Variants in NRXN1 observed in about 807,000 individuals in gnomAD.
NRXN1 encodes the protein neurexin 1.
In NRXN1, 39 loss-of-function variants were observed where a neutral mutation model predicts 150.9. The ratio of observed to expected loss-of-function variants is 0.26; its 90% CI spans 0.20 to 0.34. NRXN1 has a LOEUF of 0.34. Ranked by LOEUF, NRXN1 falls within the 10% of genes least tolerant of loss-of-function variation. The pLI, the probability that NRXN1 is intolerant of heterozygous loss-of-function variation, is 1.00. For missense variants in NRXN1, 1,815 were observed against 1,949.9 expected (o/e 0.93, Z 1.30); for synonymous variants, 924 against 757.0 (o/e 1.22, Z -3.62).
intron 21 of NRXN1, among the ~76,000 whole-genome samples, chr2:49,992,404 A>AAAACAAACAAAC (rs3046624): frequency 6.9e-4 from 102 of 148,450 alleles, no homozygotes; most frequent in Non-Finnish European, 1.1e-3. Context: ...AAACACCCCA[A>AAAACAAACAAAC]AAACAAACAA....
Position 50,247,112 on chromosome 2 carries a change from C to G in NRXN1, c.3365-10142G>C, listed in dbSNP as rs147322806. 3.3e-3 allele frequency among the ~76,000 whole-genome samples: 501 copies of G among 152,114 alleles called. 1 individual carries two copies. The highest frequency in any genetic ancestry group is 6.3e-3 in the Admixed American group (96 of 15,242). On this transcript the variant is annotated intron_variant, in intron 17 of 22. Transcript: ENST00000401669. Reference sequence around the variant, plus strand: ...CATCAGCATGATGGAGTATCTGCAGCTATATAAGAAATTGGAATGATTTCA... The same window carrying G: ...CATCAGCATGATGGAGTATCTGCAGGTATATAAGAAATTGGAATGATTTCA...
At chr2:50,367,749 A>C (rs763090015) in intron 17 of NRXN1, among the ~76,000 whole-genome samples, 2 of 152,056 alleles carry the variant, frequency 1.3e-5, no homozygotes, top group African/African-American at 2.4e-5. Context: ...ATACTTAGCC[A>C]GTTCCAAAGC....
chr2:50,333,418 A>G (rs2076959050), intron 17 of NRXN1, among the ~76,000 whole-genome samples: 1 of 152,186 alleles, frequency 6.6e-6, no homozygotes, highest in South Asian at 2.1e-4. Context: ...AATCTCTACA[A>G]ATGTGAAAAT....
intron 9 of NRXN1, among the ~76,000 whole-genome samples, chr2:50,542,117 A>T (rs1379210655): frequency 6.6e-6 from 1 of 152,140 alleles, no homozygotes; most frequent in Non-Finnish European, 1.5e-5. Context: ...CCCCATCTCT[A>T]CTAAAAATAC....
At chr2:50,284,911 T>TA (rs1308699002) in intron 17 of NRXN1, among the ~76,000 whole-genome samples, 3 of 152,068 alleles carry the variant, frequency 2.0e-5, no homozygotes, top group Non-Finnish European at 2.9e-5. Context: ...GCTAATTGAT[T>TA]AAAAAAAGAG....
chr2:50,828,646 A>G (rs974460346), intron 5 of NRXN1, among the ~76,000 whole-genome samples: 2 of 149,816 alleles, frequency 1.3e-5, no homozygotes, highest in Non-Finnish European at 3.0e-5. Context: ...CCGGGCAGAG[A>G]CACTCCTCAC....
rs546599430 is a variant in NRXN1 at position 50,578,249 on chromosome 2, T to C, written c.1321-25224A>G. Among the ~76,000 whole-genome samples the C allele has an allele frequency of 9.8e-4, 150 of 152,298 alleles. 3 individuals carry two copies. The Middle Eastern group carries it at 0.01, about 10-fold the overall frequency. ...TTCAATTTCTCTTAAATCACTCTTT[T>C]TGATTTGTTCATAGCAAGAGCATAG... On this transcript the variant is annotated intron_variant, in intron 8 of 22. Coordinates refer to ENST00000401669, the MANE Select transcript of NRXN1 (RefSeq NM_001330078.2).
intron 2 of NRXN1, among the ~76,000 whole-genome samples, chr2:50,969,422 G>C (rs1431380462): frequency 6.6e-6 from 1 of 151,960 alleles, no homozygotes; most frequent in African/African-American, 2.4e-5. Flanking sequence ...ATGCTGGTTG[G>C]TATTAAATGA....
chr2:50,276,326 G>A (rs759055685), intron 17 of NRXN1, among the ~76,000 whole-genome samples: 6 of 152,202 alleles, frequency 3.9e-5, no homozygotes, highest in East Asian at 1.9e-4. Flanking sequence ...AATAAAAAGC[G>A]GAAAGTATGA....
At chr2:51,023,732 A>C (rs1007473709) in intron 2 of NRXN1, among the ~76,000 whole-genome samples, 1 of 152,220 alleles carries the variant, frequency 6.6e-6, no homozygotes, top group Admixed American at 6.5e-5. Flanking sequence ...CTGGTACACA[A>C]AACAATCAGT....
intron 5 of NRXN1, among the ~76,000 whole-genome samples, chr2:50,711,745 A>G (rs1409980963): frequency 2.0e-5 from 3 of 152,094 alleles, no homozygotes; most frequent in Non-Finnish European, 4.4e-5. Flanking sequence ...GGTGGGGCAT[A>G]CTGGGAGGTA....
At chr2:50,298,579 C>T (rs1303585958) in intron 17 of NRXN1, among the ~76,000 whole-genome samples, 1 of 151,872 alleles carries the variant, frequency 6.6e-6, no homozygotes, top group Non-Finnish European at 1.5e-5. Flanking sequence ...CATCCATGAA[C>T]CTGAACAAGA....
chr2:50,607,120 T>TA (rs1677257576), intron 8 of NRXN1, among the ~76,000 whole-genome samples: 1 of 152,148 alleles, frequency 6.6e-6, no homozygotes, highest in Non-Finnish European at 1.5e-5. Flanking sequence ...TGAAAAGGGA[T>TA]AAAATGCCAT....
intron 17 of NRXN1, among the ~76,000 whole-genome samples, chr2:50,310,065 C>A (rs1212811465): frequency 6.6e-6 from 1 of 152,128 alleles, no homozygotes; most frequent in Non-Finnish European, 1.5e-5. Flanking sequence ...AAACGACATG[C>A]CTCTGGCTTC....
intron 11 of NRXN1, 147 bp from the exon 12 acceptor site, chr2:50,528,798 A>G: frequency 1.9e-6 from 1 of 528,908 alleles, no homozygotes; most frequent in Non-Finnish European, 3.4e-6. Flanking sequence ...ATACTTATAA[A>G]GCCCAGATGT....
intron 8 of NRXN1, among the ~76,000 whole-genome samples, chr2:50,581,404 T>C (rs1672244683): frequency 6.6e-6 from 1 of 152,126 alleles, no homozygotes; most frequent in Non-Finnish European, 1.5e-5. Flanking sequence ...GTTTCTCTCT[T>C]CAAATAATTA....
intron 19 of NRXN1, among the ~76,000 whole-genome samples, chr2:50,078,374 C>A (rs1300152134): frequency 7.5e-4 from 110 of 147,538 alleles, no homozygotes; most frequent in Non-Finnish European, 1.0e-3. Context: ...ACTCTTATTT[C>A]AAAAAAAAAA....
chr2:50,462,373 A>T (rs2088322688), intron 17 of NRXN1, among the ~76,000 whole-genome samples: 1 of 151,830 alleles, frequency 6.6e-6, no homozygotes, highest in Non-Finnish European at 1.5e-5. Context: ...ATTAGGAGAG[A>T]CTGATGACAT....
chr2:50,302,609 A>T (rs1315648208), intron 17 of NRXN1, among the ~76,000 whole-genome samples: 1 of 152,168 alleles, frequency 6.6e-6, no homozygotes, highest in Non-Finnish European at 1.5e-5. Context: ...AAGTTGTATT[A>T]GTATCAACTT....
Sources: allele counts gnomAD v4.1 joint callset (sites outside exome capture counted in the v4.1 genomes callset), GRCh38; gene constraint gnomAD v4.1.1; transcripts MANE v1.5; gene names NCBI Gene and HGNC (gene_info 2026-07-23, HGNC 2026-07-21).